Variants in STPG2 observed in about 807,000 individuals in gnomAD.
STPG2 encodes the protein sperm-tail PG-rich repeat-containing protein 2.
A neutral mutation model predicts 54.2 loss-of-function variants in STPG2; 56 were observed. The observed-to-expected ratio is 1.03, with a 90% confidence interval of 0.83 to 1.29. The LOEUF (loss-of-function observed/expected upper bound fraction) is 1.29, where lower values mean the gene tolerates loss of function less well. Ranked by LOEUF, STPG2 falls within the 50% of genes most tolerant of loss-of-function variation. STPG2 has a pLI of 0.00. For synonymous variants in STPG2, 200 were observed against 181.8 expected (o/e 1.10, Z -0.81); for missense variants, 596 against 544.9 (o/e 1.09, Z -0.93).
At chr4:97,470,964 G>A (rs1729912326) in intron 4 of STPG2, among the ~76,000 whole-genome samples, 1 of 152,130 alleles carries the variant, frequency 6.6e-6, no homozygotes. Context: ...GGATCATCAA[G>A]CCATTACAAT....
chr4:97,583,039 A>G (rs918203805), intron 10 of STPG2, among the ~76,000 whole-genome samples: 3 of 152,008 alleles, frequency 2.0e-5, no homozygotes, highest in Non-Finnish European at 2.9e-5. Context: ...ATGCCTTTAC[A>G]TTATTACTGT....
intron 5 of STPG2, among the ~76,000 whole-genome samples, chr4:98,024,292 T>C (rs1736339727): frequency 6.6e-6 from 1 of 152,244 alleles, no homozygotes; most frequent in Admixed American, 6.5e-5. Context: ...CCCATCATGC[T>C]ATCATCATTC....
chr4:97,685,870 G>A (rs544549087), intron 10 of STPG2, among the ~76,000 whole-genome samples: 27 of 152,214 alleles, frequency 1.8e-4, no homozygotes, highest in African/African-American at 6.5e-4. Flanking sequence ...TTTGTAAAAA[G>A]GCAAGGAGAG....
Position 97,793,211 on chromosome 4 carries a change from T to C in STPG2, c.1204+47562A>G, listed in dbSNP as rs145424139. Reference sequence around the variant, plus strand: ...TTACCTAAAATCGTCATTTAATCTGTTCCATTTTCACATTTTTCTGCTTTA... The same window carrying C: ...TTACCTAAAATCGTCATTTAATCTGCTCCATTTTCACATTTTTCTGCTTTA... On this transcript the variant is annotated intron_variant, in intron 9 of 10. Coordinates refer to ENST00000295268, the MANE Select transcript of STPG2 (RefSeq NM_174952.3). 2.6e-5 allele frequency among the ~76,000 whole-genome samples: 4 copies of C among 152,190 alleles called. No homozygotes were observed. The East Asian group carries it at 5.8e-4, about 22-fold the overall frequency.
At chr4:97,516,745 T>G (rs1239764008) in intron 4 of STPG2, among the ~76,000 whole-genome samples, 2 of 151,154 alleles carry the variant, frequency 1.3e-5, no homozygotes, top group Non-Finnish European at 2.9e-5. Flanking sequence ...GGAGAATCAC[T>G]TGAACACGGG....
At chr4:98,042,590 T>C (rs971358004) in intron 5 of STPG2, among the ~76,000 whole-genome samples, 2 of 151,936 alleles carry the variant, frequency 1.3e-5, no homozygotes. Context: ...GCCTGTTGTT[T>C]AATCTCCATG....
At chr4:97,564,154 T>C (rs950738323) in intron 10 of STPG2, among the ~76,000 whole-genome samples, 14 of 152,220 alleles carry the variant, frequency 9.2e-5, no homozygotes, top group East Asian at 3.8e-4. Context: ...TAGTTAGCTC[T>C]TCTTGTTGAA....
rs70953077 is a variant in STPG2 at position 97,616,057 on chromosome 4, AATATATATATATATATATATAT to A, written c.1321-56962_1321-56941del. On this transcript the variant is annotated intron_variant, in intron 10 of 10. Transcript: ENST00000295268. Reference sequence around the variant, plus strand: ...GTCTCAAAAAAAAAAAATACATATAAATATATATATATATATATATATATATATATATATATATGTATGTATA... The same window carrying A: ...GTCTCAAAAAAAAAAAATACATATAAATATATATATATATATGTATGTATA... Among the ~76,000 whole-genome samples the A allele has an allele frequency of 1.1e-3, 43 of 37,396 alleles. 2 individuals are homozygous for A. The highest frequency in any genetic ancestry group is 9.9e-3 in the East Asian group (15 of 1,510). The allele number at this position is 37,396 out of a possible 152,430, so 24.5% of individuals were successfully genotyped here. A position where few individuals can be genotyped will look rare whatever the true frequency, so the allele number is the denominator to read the frequency against.
At chr4:97,901,646 T>C (rs1039999000) in intron 8 of STPG2, among the ~76,000 whole-genome samples, 34 of 151,976 alleles carry the variant, frequency 2.2e-4, no homozygotes, top group African/African-American at 7.2e-4. Context: ...TGCTGAAAAC[T>C]ATAAAATATT....
Position 97,730,190 on chromosome 4 carries a change from G to C in STPG2, c.1205-17376C>G, listed in dbSNP as rs372076343. On this transcript the variant is annotated intron_variant, in intron 9 of 10. Transcript: ENST00000295268. ...CGTCTTGTATTCCCCAGTGTCTACTGACCCATCTTTATGTCCACCTGTACC... is the reference window on the plus strand; with the variant it reads ...CGTCTTGTATTCCCCAGTGTCTACTCACCCATCTTTATGTCCACCTGTACC... Among the ~76,000 whole-genome samples, 30 of 152,122 alleles carry C rather than the reference G, an allele frequency of 2.0e-4. No individual in the cohort carries two copies. In the East Asian group the frequency reaches 5.2e-3, roughly 27 times the overall value.
At chr4:97,897,920 C>T (rs544380015) in intron 8 of STPG2, among the ~76,000 whole-genome samples, 5 of 151,640 alleles carry the variant, frequency 3.3e-5, no homozygotes, top group African/African-American at 1.2e-4. Context: ...TTAGATCCCT[C>T]TTGTCAATTT....
At chr4:97,554,203 G>A (rs1732029079), downstream of STPG2, among the ~76,000 whole-genome samples, 1 of 152,096 alleles carries the variant, frequency 6.6e-6, no homozygotes, top group Non-Finnish European at 1.5e-5. Flanking sequence ...GGTGAGAGCT[G>A]GGGTTTCTCA....
chr4:97,609,275 T>C (rs571137660), intron 10 of STPG2, among the ~76,000 whole-genome samples: 31 of 152,154 alleles, frequency 2.0e-4, no homozygotes, highest in African/African-American at 7.5e-4. Context: ...TTAGTTTACC[T>C]ACTCCGGTAG....
intron 9 of STPG2, among the ~76,000 whole-genome samples, chr4:97,764,961 T>C (rs1223977541): frequency 6.6e-6 from 1 of 152,082 alleles, no homozygotes; most frequent in African/African-American, 2.4e-5. Flanking sequence ...CCATCATAGT[T>C]TTGAAGTTAG....
intron 10 of STPG2, among the ~76,000 whole-genome samples, chr4:97,567,060 G>T (rs758405876): frequency 6.6e-6 from 1 of 151,542 alleles, no homozygotes; most frequent in Non-Finnish European, 1.5e-5. Flanking sequence ...ATAAATAAAA[G>T]AAAGAAATGG....
At chr4:97,526,369 T>TA (rs1342837840) in intron 4 of STPG2, among the ~76,000 whole-genome samples, 1 of 152,104 alleles carries the variant, frequency 6.6e-6, no homozygotes, top group Non-Finnish European at 1.5e-5. Flanking sequence ...ACATTTAGCA[T>TA]AAAATCTACC....
chr4:97,980,182 A>T (rs1459383160), intron 6 of STPG2, among the ~76,000 whole-genome samples: 1 of 152,126 alleles, frequency 6.6e-6, no homozygotes, highest in Non-Finnish European at 1.5e-5. Flanking sequence ...GAGAGAGATC[A>T]TGCCTCAAAA....
intron 5 of STPG2, among the ~76,000 whole-genome samples, chr4:97,993,839 T>C (rs1735102807): frequency 6.6e-6 from 1 of 152,192 alleles, no homozygotes; most frequent in African/African-American, 2.4e-5. Context: ...CAGGAATTTA[T>C]CCATCTCCTC....
chr4:97,907,593 C>T (rs1310649559), intron 8 of STPG2, among the ~76,000 whole-genome samples: 2 of 152,100 alleles, frequency 1.3e-5, no homozygotes, highest in Admixed American at 1.3e-4. Context: ...AAGCTGGAGG[C>T]ATCATGCTAC....
Sources: allele counts gnomAD v4.1 joint callset (sites outside exome capture counted in the v4.1 genomes callset), GRCh38; gene constraint gnomAD v4.1.1; transcripts MANE v1.5; gene names NCBI Gene and HGNC (gene_info 2026-07-23, HGNC 2026-07-21).